Variants in NRXN2 observed in about 807,000 individuals in gnomAD.
NRXN2 encodes neurexin 2, also known as neurexin-2-beta.
A neutral mutation model predicts 128.8 loss-of-function variants in NRXN2; 29 were observed. That is an observed-to-expected ratio of 0.23 (90% CI 0.17 to 0.31). The LOEUF is 0.31. NRXN2 is among the 10% of genes least tolerant of loss of function. The pLI, the probability that NRXN2 is intolerant of heterozygous loss-of-function variation, is 1.00. For missense variants in NRXN2, 1,881 were observed against 2,452.6 expected (o/e 0.77, Z 4.92); for synonymous variants, 1,098 against 1,075.2 (o/e 1.02, Z -0.41).
At position 64,660,856 on chromosome 11, in the gene NRXN2, A is replaced by G. The variant is rs746818751; in HGVS notation, c.2082T>C (p.Cys694=). Residue 694 remains cysteine, a synonymous_variant, in exon 10 of 23, where the codon TGT becomes TGC. Coordinates refer to ENST00000265459, the MANE Select transcript of NRXN2 (RefSeq NM_015080.4). The surrounding 1 kb of genome is among the most constrained non-coding windows in gnomAD (Gnocchi z 5.2). ...CCCCATTGCGACAGGGGGCAGATGC[A>G]CACTGCTTCAGCGTCTCCCGGGAGC... ...PFCSRETLKQ[C]ASAPCRNGGV... is the part of the protein sequence containing the mutation. The G allele has an allele frequency of 6.2e-7, 1 of 1,613,806 alleles. No homozygotes were observed. Among genetic ancestry groups the G allele is most frequent in the African/African-American group, 1.3e-5 (1 of 74,904 alleles).
At chr11:64,625,534 T>G (rs1591574646) in intron 20 of NRXN2, among the ~76,000 whole-genome samples, 1 of 151,890 alleles carries the variant, frequency 6.6e-6, no homozygotes, top group South Asian at 2.1e-4. Context: ...CATTTGGGGG[T>G]TTTAGTTGGG....
chr11:64,638,515 T>C (rs2045157832), intron 17 of NRXN2, among the ~76,000 whole-genome samples: 2 of 152,072 alleles, frequency 1.3e-5, no homozygotes, highest in African/African-American at 4.8e-5. Context: ...CCCGGCAAGC[T>C]GTCCTCGGCC....
chr11:64,683,632 A>G (rs183639908), intron 6 of NRXN2, among the ~76,000 whole-genome samples: 201 of 152,030 alleles, frequency 1.3e-3, no homozygotes, highest in Non-Finnish European at 1.5e-3. Flanking sequence ...AAAAAAAAAA[A>G]AAAAGAAAAG....
At chr11:64,697,313 G>C (rs576869640) in intron 3 of NRXN2, among the ~76,000 whole-genome samples, 2 of 152,132 alleles carry the variant, frequency 1.3e-5, no homozygotes, top group African/African-American at 4.8e-5. Context: ...CCTGAGCCCT[G>C]CACAGTGGCA....
intron 1 of NRXN2, among the ~76,000 whole-genome samples, chr11:64,718,478 C>G (rs2057354628): frequency 6.6e-6 from 1 of 152,188 alleles, no homozygotes; most frequent in Non-Finnish European, 1.5e-5. Flanking sequence ...AGCCCGTGGA[C>G]AGGTGGGAGA....
chr11:64,688,799 G>C (rs548491037), intron 5 of NRXN2: 2 of 985,332 alleles, frequency 2.0e-6, no homozygotes, highest in African/African-American at 1.7e-5. Context: ...ATGCATGAGG[G>C]ACAAAGCAGC....
At position 64,698,011 on chromosome 11, in the gene NRXN2, A is replaced by G. The variant is rs1312504810; in HGVS notation, c.731-219T>C. Among the ~76,000 whole-genome samples the G allele has an allele frequency of 3.3e-5, 5 of 152,176 alleles. No individual in the cohort carries two copies. In the South Asian group the frequency reaches 8.3e-4, roughly 25 times the overall value. On this transcript the variant is annotated intron_variant, in intron 2 of 22. Coordinates refer to ENST00000265459, the MANE Select transcript of NRXN2 (RefSeq NM_015080.4). The stretch of plus-strand genomic sequence containing the variant: ...GCTGCTCCCTGAGTCAGAACCTCAC[A>G]CACAGTCAGCCAGTACCCATCACAC...
chr11:64,667,324 T>G lies in NRXN2; in HGVS notation c.1724A>C (p.Lys575Thr). 6.2e-7 allele frequency: 1 copy of G among 1,614,236 alleles called. No individual in the cohort carries two copies. The highest frequency in any genetic ancestry group is 8.5e-7 in the Non-Finnish European group (1 of 1,180,050). The stretch of plus-strand genomic sequence containing the variant: ...GACCTTGCGGCTGGATGCCCGCAGC[T>G]TGATGCCCCCAGATCCCATGTCCAG... Reference protein sequence around the residue: ...LLLDMGSGGIKLRASSRKVND... With the variant: ...LLLDMGSGGITLRASSRKVND... The change falls in exon 9 of 23, where the codon AAG becomes ACG. Residue 575 changes from lysine (K) to threonine (T), a missense_variant. This residue lies in a region of NRXN2 where 997 missense variants were observed against 1,240.8 expected (regional missense o/e 0.80). Coordinates refer to ENST00000265459, the MANE Select transcript of NRXN2 (RefSeq NM_015080.4). The surrounding 1 kb of genome is among the most constrained non-coding windows in gnomAD (Gnocchi z 5.6).
chr11:64,641,741 T>G (rs1439197993), intron 17 of NRXN2, among the ~76,000 whole-genome samples: 1 of 151,614 alleles, frequency 6.6e-6, no homozygotes, highest in African/African-American at 2.4e-5. Flanking sequence ...GAGGTGATTG[T>G]AAGTGGACAG....
chr11:64,621,951 C>A (rs2042404543), intron 21 of NRXN2, among the ~76,000 whole-genome samples: 1 of 152,106 alleles, frequency 6.6e-6, no homozygotes, highest in Non-Finnish European at 1.5e-5. Context: ...ACCCAGGAAA[C>A]ACCTGAGCAG....
Position 64,630,351 on chromosome 11 carries a change from GCCGCCACCCGCC to G in NRXN2, c.3757+39_3757+50del, listed in dbSNP as rs1342993078. Reference sequence around the variant, plus strand: ...CGGTGCGGCCGCACTCCTATCAGAGGCCGCCACCCGCCCCGCCACCGCGCCTCCTCCGCGGGC... The same window carrying G: ...CGGTGCGGCCGCACTCCTATCAGAGGCCGCCACCGCGCCTCCTCCGCGGGC... On this transcript the variant is annotated intron_variant, in intron 19 of 22. Transcript: ENST00000265459. This position sits in a 1 kb window ranked among gnomAD's most constrained non-coding sequence, Gnocchi z 4.6. 1.7e-5 allele frequency: 27 copies of G among 1,563,338 alleles called. No homozygotes were observed. The highest frequency in any genetic ancestry group is 2.3e-5 in the Non-Finnish European group (26 of 1,155,550).
chr11:64,713,154 C>T lies in NRXN2; in HGVS notation c.546G>A (p.Leu182=). ...GCGCGGGGGGCCGCTCGCCCAGCTT[C>T]AGGTTGGCCAAGAGGCCGCGGAAGG... ...EPPFRGLLAN[L]KLGERPPALL... is the part of the protein sequence containing the mutation. Residue 182 remains leucine, a synonymous_variant, in exon 2 of 23, where the codon CTG becomes CTA. Transcript: ENST00000265459. 3 of 1,452,092 alleles carry T rather than the reference C, an allele frequency of 2.1e-6. No homozygotes were observed. The highest frequency in any genetic ancestry group is 2.7e-6 in the Non-Finnish European group (3 of 1,104,110). The allele number at this position is 1,452,092 out of a possible 1,614,324, so 90.0% of individuals were successfully genotyped here.
chr11:64,709,372 C>T (rs765668690), intron 2 of NRXN2, among the ~76,000 whole-genome samples: 2 of 152,050 alleles, frequency 1.3e-5, no homozygotes, highest in Non-Finnish European at 2.9e-5. Context: ...CAATACCCAA[C>T]CATGGGAGCC....
Position 64,714,718 on chromosome 11 carries a change from TCTTTAC to T in NRXN2, c.-244-781_-244-776del, listed in dbSNP as rs2057238778. ...AGGACTGGCCCCACTACCTGGGCTCTCTTTACCCCTCAGTTCCCTCTGCCCACCCCC... is the reference window on the plus strand; with the variant it reads ...AGGACTGGCCCCACTACCTGGGCTCTCCCTCAGTTCCCTCTGCCCACCCCC... On this transcript the variant is annotated intron_variant, in intron 1 of 22. Coordinates refer to ENST00000265459, the MANE Select transcript of NRXN2 (RefSeq NM_015080.4). This position sits in a 1 kb window ranked among gnomAD's most constrained non-coding sequence, Gnocchi z 4.5. 1.3e-5 allele frequency among the ~76,000 whole-genome samples: 2 copies of T among 152,198 alleles called. No individual in the cohort carries two copies. The highest frequency in any genetic ancestry group is 4.8e-5 in the African/African-American group (2 of 41,442).
chr11:64,665,040 T>C (rs2049618408), intron 9 of NRXN2, among the ~76,000 whole-genome samples: 1 of 149,840 alleles, frequency 6.7e-6, no homozygotes, highest in Admixed American at 6.7e-5. Flanking sequence ...CCCAACACTT[T>C]GGGAGGCCAA....
chr11:64,614,379 T>C (rs1190280222), intron 22 of NRXN2, among the ~76,000 whole-genome samples: 2 of 152,170 alleles, frequency 1.3e-5, no homozygotes, highest in Non-Finnish European at 2.9e-5. Context: ...TGGGGTTACT[T>C]TGAACCTTAA....
chr11:64,643,136 G>C (rs1156348322), intron 17 of NRXN2: 87 of 980,910 alleles, frequency 8.9e-5, no homozygotes, highest in Non-Finnish European at 1.0e-4. Flanking sequence ...GCATGGTGCC[G>C]AGTGGAGAGG....
At chr11:64,657,801 C>T (rs111783651) in intron 11 of NRXN2, among the ~76,000 whole-genome samples, 1 of 152,142 alleles carries the variant, frequency 6.6e-6, no homozygotes, top group Non-Finnish European at 1.5e-5. Flanking sequence ...TTGCACCAAG[C>T]CTTTGGTCAC....
rs1230934651 is a variant in NRXN2, at chr11:64,651,647, C to A, written c.2537-11G>T. 3.0e-5 allele frequency: 49 copies of A among 1,613,064 alleles called. No individual in the cohort carries two copies. Among genetic ancestry groups the A allele is most frequent in the Non-Finnish European group, 4.0e-5 (47 of 1,179,612 alleles). On this transcript the variant is annotated splice_polypyrimidine_tract_variant and intron_variant, in intron 13 of 22. Coordinates refer to ENST00000265459, the MANE Select transcript of NRXN2 (RefSeq NM_015080.4). This position sits in a 1 kb window ranked among gnomAD's most constrained non-coding sequence, Gnocchi z 5.9. Reference sequence around the variant, plus strand: ...CTCCTGCCATCTGTCCTGCTCAGGACAGGAGACCAAGATGAGGGGGATGGC... The same window carrying A: ...CTCCTGCCATCTGTCCTGCTCAGGAAAGGAGACCAAGATGAGGGGGATGGC...
Sources: gnomAD v4.1 joint callset for allele counts (sites outside exome capture counted in the v4.1 genomes callset) on GRCh38, gnomAD v4.1.1 for gene constraint, gnomAD v4.1.1 regional missense constraint, Gnocchi (gnomAD v3.1) non-coding constraint, MANE v1.5 for transcripts, NCBI Gene and HGNC (gene_info 2026-07-23, HGNC 2026-07-21) for gene names.